Variants in RBFOX1 observed in about 807,000 individuals in gnomAD.
RBFOX1 encodes RNA binding fox-1 homolog 1.
RBFOX1 carries 8 observed loss-of-function variants against 57.7 expected under a neutral mutation model. That is an observed-to-expected ratio of 0.14 (90% CI 0.08 to 0.25). The LOEUF is 0.25. RBFOX1 is among the 10% of genes least tolerant of loss of function. The probability of loss-of-function intolerance (pLI) is 1.00; values close to 1 mark genes in which losing one functional copy is unlikely to be tolerated. For missense variants in RBFOX1, 611 were observed against 548.5 expected, an observed-to-expected ratio of 1.11 and a Z score of -1.14; for synonymous variants, 326 against 222.4, an observed-to-expected ratio of 1.47 and a Z score of -4.15.
intron 3 of RBFOX1, among the ~76,000 whole-genome samples, chr16:5,646,995 G>A (rs1304701925): frequency 1.3e-5 from 2 of 152,154 alleles, no homozygotes; most frequent in Non-Finnish European, 2.9e-5. Flanking sequence ...CGGCGGCTGC[G>A]ATGGAGGCTT....
chr16:5,804,102 C>G (rs934881278), intron 3 of RBFOX1, among the ~76,000 whole-genome samples: 2 of 152,210 alleles, frequency 1.3e-5, no homozygotes, highest in African/African-American at 4.8e-5. Flanking sequence ...GCCTCCCTCT[C>G]TAAGCTTTTC....
chr16:5,922,728 C>T (rs546122993), intron 4 of RBFOX1, among the ~76,000 whole-genome samples: 1 of 152,310 alleles, frequency 6.6e-6, no homozygotes, highest in East Asian at 1.9e-4. Context: ...CTCTTCCAAC[C>T]CCTCAATGTA....
intron 1 of RBFOX1, among the ~76,000 whole-genome samples, chr16:6,219,752 A>C (rs906417788): frequency 1.3e-5 from 2 of 152,060 alleles, no homozygotes; most frequent in African/African-American, 4.8e-5. Context: ...GTTGGGTGCC[A>C]GTAATCCCAG....
intron 1 of RBFOX1, among the ~76,000 whole-genome samples, chr16:5,299,797 A>C (rs750049618): frequency 6.6e-6 from 1 of 151,846 alleles, no homozygotes; most frequent in Non-Finnish European, 1.5e-5. Flanking sequence ...TTTTTTCCCT[A>C]TTGAACTAAC....
intron 1 of RBFOX1, among the ~76,000 whole-genome samples, chr16:5,408,573 C>T (rs1415560171): frequency 6.6e-6 from 1 of 152,186 alleles, no homozygotes. Flanking sequence ...GTGCTTCCTG[C>T]TTCGGGTGTG....
At chr16:6,846,937 G>A (rs2093788568) in intron 3 of RBFOX1, among the ~76,000 whole-genome samples, 1 of 151,826 alleles carries the variant, frequency 6.6e-6, no homozygotes, top group African/African-American at 2.4e-5. Flanking sequence ...AAAAAGAGGT[G>A]ATGGCTACAG....
chr16:5,592,408 T>C (rs1465286316), intron 2 of RBFOX1, among the ~76,000 whole-genome samples: 2 of 152,016 alleles, frequency 1.3e-5, no homozygotes, highest in Non-Finnish European at 2.9e-5. Context: ...CACTCTGAGA[T>C]TATAAAAATC....
Position 6,863,725 on chromosome 16 carries a change from C to CTTTTTTTTTTT in RBFOX1, c.-15-188315_-15-188305dup, listed in dbSNP as rs71408412. On this transcript the variant is annotated intron_variant, in intron 3 of 15. Coordinates refer to ENST00000550418, the MANE Select transcript of RBFOX1 (RefSeq NM_018723.4). ...CGGAAGCACAAATTGGATGCCTGCG[C>CTTTTTTTTTTT]TTTTTTTTTTTTTTTTTTTTTTTTT... is the stretch of plus-strand genomic sequence containing the variant. Among the ~76,000 whole-genome samples the CTTTTTTTTTTT allele has an allele frequency of 1.7e-3, 114 of 67,766 alleles. 11 individuals are homozygous for CTTTTTTTTTTT. Among genetic ancestry groups the CTTTTTTTTTTT allele is most frequent in the African/African-American group, 2.7e-3 (36 of 13,378 alleles). The allele number at this position is 67,766 out of a possible 152,430, so 44.5% of individuals were successfully genotyped here.
intron 3 of RBFOX1, among the ~76,000 whole-genome samples, chr16:6,807,599 C>G (rs1176170312): frequency 1.3e-5 from 2 of 152,058 alleles, no homozygotes; most frequent in African/African-American, 4.8e-5. Context: ...AGGCAGATCA[C>G]AAGGTCACGA....
intron 2 of RBFOX1, among the ~76,000 whole-genome samples, chr16:6,519,656 A>G (rs528658597): frequency 2.0e-5 from 3 of 152,136 alleles, no homozygotes; most frequent in Admixed American, 6.5e-5. Flanking sequence ...AGCTGAGATC[A>G]CGCTACTGCA....
At chr16:7,208,562 G>A (rs2090461729) in intron 4 of RBFOX1, among the ~76,000 whole-genome samples, 1 of 152,160 alleles carries the variant, frequency 6.6e-6, no homozygotes, top group Non-Finnish European at 1.5e-5. Context: ...TCTGCTGGGT[G>A]CAGTGGCTCA....
At chr16:6,748,566 A>T (rs2074271830) in intron 3 of RBFOX1, among the ~76,000 whole-genome samples, 1 of 152,146 alleles carries the variant, frequency 6.6e-6, no homozygotes, top group Admixed American at 6.5e-5. Context: ...GGGAGGCTGA[A>T]GTGGATCTCT....
At chr16:6,869,113 T>A (rs2060434672) in intron 3 of RBFOX1, among the ~76,000 whole-genome samples, 1 of 152,194 alleles carries the variant, frequency 6.6e-6, no homozygotes, top group Non-Finnish European at 1.5e-5. Flanking sequence ...TACAGCAGCA[T>A]TGTGTTGCCC....
intron 15 of RBFOX1, among the ~76,000 whole-genome samples, 182 bp downstream of exon 15, chr16:7,709,313 G>A (rs946990478): frequency 6.6e-6 from 1 of 152,080 alleles, no homozygotes; most frequent in African/African-American, 2.4e-5. Context: ...TTAATTTCTT[G>A]GCAATGTAGT....
At chr16:5,258,338 G>A (rs1479710658) in intron 1 of RBFOX1, among the ~76,000 whole-genome samples, 1 of 152,060 alleles carries the variant, frequency 6.6e-6, no homozygotes, top group African/African-American at 2.4e-5. Context: ...TTAAAAAATA[G>A]TTTACAGTAG....
intron 3 of RBFOX1, among the ~76,000 whole-genome samples, chr16:5,828,093 C>T (rs1040857968): frequency 1.3e-5 from 2 of 151,960 alleles, no homozygotes; most frequent in African/African-American, 2.4e-5. Context: ...AGCCAGCCTG[C>T]CTTCTGTCTA....
chr16:5,437,581 A>T (rs1008758769), intron 1 of RBFOX1, among the ~76,000 whole-genome samples: 1 of 152,268 alleles, frequency 6.6e-6, no homozygotes, highest in Non-Finnish European at 1.5e-5. Flanking sequence ...TAAAAATTGC[A>T]CTAAAAATTG....
intron 3 of RBFOX1, among the ~76,000 whole-genome samples, chr16:6,731,520 C>A (rs1211170963): frequency 6.6e-6 from 1 of 152,066 alleles, no homozygotes; most frequent in East Asian, 1.9e-4. Flanking sequence ...GAGAGTATTT[C>A]TCAGGATTAT....
At chr16:5,579,180 G>T (rs2046575549) in intron 2 of RBFOX1, among the ~76,000 whole-genome samples, 1 of 152,002 alleles carries the variant, frequency 6.6e-6, no homozygotes, top group South Asian at 2.1e-4. Flanking sequence ...GTCAAGACTG[G>T]ACCTGCTATC....
Sources: allele counts gnomAD v4.1 joint callset (sites outside exome capture counted in the v4.1 genomes callset), GRCh38; gene constraint gnomAD v4.1.1; transcripts MANE v1.5; gene names NCBI Gene and HGNC (gene_info 2026-07-23, HGNC 2026-07-21).